RP1: variants seen among roughly 807,000 people sequenced by gnomAD.
RP1 encodes RP1 axonemal microtubule associated, also known as oxygen-regulated protein 1.
In RP1, 16 loss-of-function variants were observed where a neutral mutation model predicts 14.8. That is an observed-to-expected ratio of 1.08 (90% CI 0.73 to 1.65). The LOEUF (loss-of-function observed/expected upper bound fraction) is 1.65. Ranked by LOEUF, RP1 falls within the 40% of genes most tolerant of loss-of-function variation. The pLI, the probability that RP1 is intolerant of heterozygous loss-of-function variation, is 0.00. For synonymous variants in RP1, 876 were observed against 883.6 expected (o/e 0.99, Z 0.15); for missense variants, 2,631 against 2,535.0 (o/e 1.04, Z -0.81).
chr8:54,832,766 C>T (rs1354809827), intron 24 of RP1, among the ~76,000 whole-genome samples: 1 of 151,682 alleles, frequency 6.6e-6, no homozygotes, highest in South Asian at 2.1e-4. Context: ...TGTGGATCAC[C>T]TCGAATGTAG....
At chr8:54,615,228 A>G (rs1805687294), upstream of RP1, among the ~76,000 whole-genome samples, 1 of 152,138 alleles carries the variant, frequency 6.6e-6, no homozygotes, top group Admixed American at 6.5e-5. Flanking sequence ...GTGGCCTGCA[A>G]CAAAGTCAGT....
rs978825244 is a variant in RP1 at position 54,679,397 on chromosome 8, T to C, written c.1479-23T>C. 2.6e-6 allele frequency: 4 copies of C among 1,521,530 alleles called. No homozygotes were observed. The African/African-American group carries it at 4.1e-5, about 16-fold the overall frequency. 94.3% of individuals were successfully genotyped at this position (1,521,530 alleles called of 1,614,324 possible). A position where few individuals can be genotyped will look rare whatever the true frequency, so the allele number is the denominator to read the frequency against. ...ATGTAAATATAAAGTCTGAAAATAA[T>C]CGATACACTTTTCTTTTCACAGATG... On this transcript the variant is annotated intron_variant, in intron 9 of 22. Transcript: ENST00000636932.
chr8:54,808,050 G>A (rs1319472543), intron 24 of RP1, among the ~76,000 whole-genome samples: 1 of 151,954 alleles, frequency 6.6e-6, no homozygotes, highest in Non-Finnish European at 1.5e-5. Context: ...CCATGGCCCT[G>A]TCAAGTAACC....
chr8:54,764,401 T>C (rs1809714107), intron 22 of RP1, among the ~76,000 whole-genome samples: 1 of 152,258 alleles, frequency 6.6e-6, no homozygotes, highest in Non-Finnish European at 1.5e-5. Context: ...TCCTGTAGGC[T>C]TTCATGGGTA....
At chr8:54,858,143 T>A (rs138624867) in intron 27 of RP1, among the ~76,000 whole-genome samples, 6 of 152,218 alleles carry the variant, frequency 3.9e-5, no homozygotes, top group Admixed American at 3.9e-4. Flanking sequence ...TTTCAGTAAA[T>A]CTCTTTAAAA....
At chr8:54,741,479 A>T (rs1809083543) in intron 19 of RP1, among the ~76,000 whole-genome samples, 1 of 151,916 alleles carries the variant, frequency 6.6e-6, no homozygotes, top group African/African-American at 2.4e-5. Flanking sequence ...CATGCTACAC[A>T]GGTGTGTAGC....
At chr8:54,723,496 G>C (rs1045201309) in intron 16 of RP1, among the ~76,000 whole-genome samples, 1 of 151,946 alleles carries the variant, frequency 6.6e-6, no homozygotes, top group Non-Finnish European at 1.5e-5. Flanking sequence ...AACTGTTCTT[G>C]CTAGCTTGTG....
At chr8:54,651,427 C>T (rs554340267) in intron 4 of RP1, among the ~76,000 whole-genome samples, 2 of 151,962 alleles carry the variant, frequency 1.3e-5, no homozygotes, top group South Asian at 2.1e-4. Flanking sequence ...TTTTTGATTA[C>T]TGATTCAATC....
At position 54,628,852 on chromosome 8, in the gene RP1, G is replaced by C. The variant is rs779439709; in HGVS notation, c.4970G>C (p.Cys1657Ser). The change falls in exon 4 of 4, where the codon TGT becomes TCT. Residue 1657 changes from cysteine (C) to serine (S), a missense_variant. Transcript: ENST00000220676. ...GGGTCTACCCGCAAATCTCAGGTTT[G>C]TCCTTATAATTCTGTGGAATTTCAG... ...FPGSTRKSQVCPYNSVEFQCS... is the reference protein window; with the variant it reads ...FPGSTRKSQVSPYNSVEFQCS... 3 of 1,613,928 alleles carry C rather than the reference G, an allele frequency of 1.9e-6. No individual in the cohort carries two copies. The highest frequency in any genetic ancestry group is 2.5e-6 in the Non-Finnish European group (3 of 1,179,976).
chr8:54,738,338 AG>A (rs1260648460), intron 18 of RP1, among the ~76,000 whole-genome samples: 2 of 152,206 alleles, frequency 1.3e-5, no homozygotes, highest in African/African-American at 4.8e-5. Flanking sequence ...TCCCAAAGCC[AG>A]TTCTCCACAA....
At chr8:54,854,796 TG>T (rs1014214245) in intron 26 of RP1, among the ~76,000 whole-genome samples, 3 of 152,126 alleles carry the variant, frequency 2.0e-5, no homozygotes, top group African/African-American at 7.2e-5. Flanking sequence ...ACCCGGGAAT[TG>T]GAGGTTGCAT....
chr8:54,756,825 G>A (rs188029010), intron 21 of RP1, among the ~76,000 whole-genome samples: 1 of 152,292 alleles, frequency 6.6e-6, no homozygotes, highest in Admixed American at 6.5e-5. Flanking sequence ...CAGCAGTGCT[G>A]TATCATGGGA....
chr8:54,603,064 T>G (rs1266039261), intron 1 of RP1, among the ~76,000 whole-genome samples: 21 of 152,272 alleles, frequency 1.4e-4, no homozygotes, highest in African/African-American at 4.1e-4. Context: ...TGTCAATTTT[T>G]GTTTTTGTTG....
At chr8:54,870,003 T>C in exon 29 of RP1, 1 of 774,496 alleles carries the variant, frequency 1.3e-6, no homozygotes, top group Non-Finnish European at 1.8e-6. Context: ...CTGATTGTGA[T>C]AGTGCATTTG....
intron 15 of RP1, among the ~76,000 whole-genome samples, chr8:54,717,219 C>A (rs1322451876): frequency 2.0e-5 from 3 of 152,104 alleles, no homozygotes; most frequent in Non-Finnish European, 1.5e-5. Context: ...TAAAAAGCAC[C>A]TTTTTAAATC....
In RP1 at chr8:54,595,310, T is replaced by C. The variant is rs1412706310; in HGVS notation, c.-12-25645T>C. On this transcript the variant is annotated intron_variant, in intron 1 of 22. Coordinates refer to the RP1 transcript ENST00000636932. ...ATGCCCAGATAATTTTTTGTATTTT[T>C]AGTAGAGACAGGGTTTCACTCTGTT... 2.0e-5 allele frequency among the ~76,000 whole-genome samples: 3 copies of C among 152,080 alleles called. No homozygotes were observed. The East Asian group carries it at 5.8e-4, about 29-fold the overall frequency.
At chr8:54,851,883 T>C (rs1392340726) in intron 25 of RP1, among the ~76,000 whole-genome samples, 3 of 152,242 alleles carry the variant, frequency 2.0e-5, no homozygotes, top group Non-Finnish European at 4.4e-5. Context: ...GCACAAAGTA[T>C]GATTTATAAA....
chr8:54,732,337 T>C lies in RP1; in HGVS notation c.2522-2208T>C, dbSNP rs147892725. On this transcript the variant is annotated intron_variant, in intron 17 of 22. Transcript: ENST00000636932. Reference sequence around the variant, plus strand: ...TTTTCAGTAGTTTTTTATTTGTTTGTTTGTTTTCCATGAAGGTATTTGAAT... The same window carrying C: ...TTTTCAGTAGTTTTTTATTTGTTTGCTTGTTTTCCATGAAGGTATTTGAAT... Among the ~76,000 whole-genome samples the C allele has an allele frequency of 3.9e-5, 6 of 152,328 alleles. No homozygotes were observed. The East Asian group carries it at 1.2e-3, about 29-fold the overall frequency.
At chr8:54,770,177 G>A, downstream of RP1, 1 of 401,468 alleles carries the variant, frequency 2.5e-6, no homozygotes, top group Non-Finnish European at 4.4e-6. Context: ...GGTAAATGTT[G>A]TTGCCACTTT....
Sources: allele counts gnomAD v4.1 joint callset (sites outside exome capture counted in the v4.1 genomes callset), GRCh38; gene constraint gnomAD v4.1.1; transcripts MANE v1.5; gene names NCBI Gene and HGNC (gene_info 2026-07-23, HGNC 2026-07-21).